NWD2: variants seen among roughly 807,000 people sequenced by gnomAD.
NWD2 encodes NACHT and WD repeat domain containing 2.
A neutral mutation model predicts 132.7 loss-of-function variants in NWD2; 37 were observed. That is an observed-to-expected ratio of 0.28 (90% CI 0.21 to 0.37). NWD2 has a LOEUF of 0.37. Among genes scored for constraint, NWD2 ranks in the 10% least tolerant of loss-of-function variants. NWD2 has a pLI of 1.00. For synonymous variants in NWD2, 705 were observed against 803.0 expected (o/e 0.88, Z 2.06); for missense variants, 1,592 against 2,122.4 (o/e 0.75, Z 4.91).
intron 3 of NWD2, among the ~76,000 whole-genome samples, chr4:37,417,044 G>T (rs1026739227): frequency 6.6e-6 from 1 of 152,130 alleles, no homozygotes. Flanking sequence ...CACCACTGAA[G>T]AACTTATTCA....
At chr4:37,363,968 C>CAA (rs112086576) in intron 3 of NWD2, among the ~76,000 whole-genome samples, 5,972 of 142,134 alleles carry the variant, frequency 0.042, 364 homozygotes, top group African/African-American at 0.13. Flanking sequence ...ACTAAAAATA[C>CAA]AAAAAAAAAA....
chr4:37,268,823 G>A (rs1349604208), intron 1 of NWD2, among the ~76,000 whole-genome samples: 1 of 151,832 alleles, frequency 6.6e-6, no homozygotes, highest in Non-Finnish European at 1.5e-5. Flanking sequence ...CTACAAGGCA[G>A]ATGTATTAAA....
chr4:37,392,947 G>A (rs1720708450), intron 3 of NWD2, among the ~76,000 whole-genome samples: 1 of 152,184 alleles, frequency 6.6e-6, no homozygotes, highest in Non-Finnish European at 1.5e-5. Context: ...GTCTGTGAAT[G>A]TTGTGGACGC....
chr4:37,415,105 T>C (rs1041912621), intron 3 of NWD2, among the ~76,000 whole-genome samples: 1 of 152,206 alleles, frequency 6.6e-6, no homozygotes, highest in African/African-American at 2.4e-5. Flanking sequence ...TTGTTTTCTA[T>C]TGAAATTTGT....
chr4:37,281,842 T>C (rs144356332), intron 1 of NWD2, among the ~76,000 whole-genome samples: 8 of 152,182 alleles, frequency 5.3e-5, no homozygotes, highest in Admixed American at 2.0e-4. Flanking sequence ...TTAAACAAAT[T>C]TGTGGACATA....
At chr4:37,436,942 G>A (rs1712338370) in intron 5 of NWD2, among the ~76,000 whole-genome samples, 1 of 152,072 alleles carries the variant, frequency 6.6e-6, no homozygotes, top group East Asian at 1.9e-4. Flanking sequence ...ATGTACTGAT[G>A]CTCATGACAC....
chr4:37,259,739 G>A (rs923431611), intron 1 of NWD2, among the ~76,000 whole-genome samples: 9 of 152,154 alleles, frequency 5.9e-5, no homozygotes, highest in Non-Finnish European at 1.3e-4. Context: ...CCCACCCCTG[G>A]AGACCAGAGC....
chr4:37,332,456 GAAA>G (rs34529414), intron 2 of NWD2, among the ~76,000 whole-genome samples: 6 of 130,570 alleles, frequency 4.6e-5, no homozygotes, highest in African/African-American at 1.7e-4. Context: ...CTGCTGCCTT[GAAA>G]AAAAAAAAAA....
chr4:37,399,046 A>G (rs1008732275), intron 3 of NWD2, among the ~76,000 whole-genome samples: 2 of 152,268 alleles, frequency 1.3e-5, no homozygotes, highest in Non-Finnish European at 1.5e-5. Flanking sequence ...AGAAAGGTAC[A>G]CATTTTATAA....
intron 1 of NWD2, among the ~76,000 whole-genome samples, chr4:37,289,887 C>CTT (rs35900482): frequency 7.9e-5 from 12 of 151,350 alleles, no homozygotes; most frequent in African/African-American, 1.2e-4. Flanking sequence ...TCAGCAAAGG[C>CTT]TTTTTTTTTC....
chr4:37,289,447 A>G (rs1363800893), intron 1 of NWD2, among the ~76,000 whole-genome samples: 1 of 152,194 alleles, frequency 6.6e-6, no homozygotes, highest in Non-Finnish European at 1.5e-5. Flanking sequence ...TACAGTAAAC[A>G]CTTATATACT....
At chr4:37,311,990 C>A (rs941784615) in intron 1 of NWD2, among the ~76,000 whole-genome samples, 14 of 142,194 alleles carry the variant, frequency 9.8e-5, no homozygotes, top group African/African-American at 4.4e-4. Flanking sequence ...TGATCTATAT[C>A]TCTGTTTTGG....
At chr4:37,357,075 C>G (rs1229271937) in intron 3 of NWD2, among the ~76,000 whole-genome samples, 1 of 152,042 alleles carries the variant, frequency 6.6e-6, no homozygotes, top group Non-Finnish European at 1.5e-5. Context: ...ATACTCACTC[C>G]TCTGTGTTAG....
intron 2 of NWD2, among the ~76,000 whole-genome samples, chr4:37,355,598 G>C (rs1000722912): frequency 4.6e-5 from 7 of 152,168 alleles, no homozygotes; most frequent in Non-Finnish European, 8.8e-5. Context: ...CTACAACTGG[G>C]AACATTTACT....
intron 2 of NWD2, among the ~76,000 whole-genome samples, chr4:37,332,630 G>A (rs1203658357): frequency 2.0e-5 from 3 of 152,208 alleles, no homozygotes. Flanking sequence ...ATTCAGAGAA[G>A]TGCTGGTTAT....
intron 1 of NWD2, among the ~76,000 whole-genome samples, chr4:37,316,328 T>G (rs991024231): frequency 6.6e-6 from 1 of 152,100 alleles, no homozygotes; most frequent in Non-Finnish European, 1.5e-5. Flanking sequence ...TGGCTTCCAC[T>G]CCTTCTGATG....
At chr4:37,275,901 G>A (rs1718001924) in intron 1 of NWD2, among the ~76,000 whole-genome samples, 1 of 152,112 alleles carries the variant, frequency 6.6e-6, no homozygotes, top group Non-Finnish European at 1.5e-5. Flanking sequence ...GCCATATGGA[G>A]AAAGCTGAAA....
Position 37,447,991 on chromosome 4 carries a change from C to T in NWD2, c.*774C>T, listed in dbSNP as rs527762541. 1 of 152,288 alleles carries T rather than the reference C, an allele frequency of 6.6e-6. No individual in the cohort carries two copies. Among genetic ancestry groups the T allele is most frequent in the South Asian group, 2.1e-4 (1 of 4,826 alleles). 9.4% of individuals were successfully genotyped at this position (152,288 alleles called of 1,614,324 possible). A position where few individuals can be genotyped will look rare whatever the true frequency, so the allele number is the denominator to read the frequency against. ...AATCTTTTCGCATCTTTTTGAAATG[C>T]ATATTTGTGCTGGGTGTAAAGAAGA... On this transcript the variant is annotated 3_prime_UTR_variant, in exon 7 of 7. Transcript: ENST00000309447.
intron 1 of NWD2, among the ~76,000 whole-genome samples, chr4:37,308,475 G>T (rs1182867650): frequency 6.6e-6 from 1 of 152,110 alleles, no homozygotes; most frequent in East Asian, 1.9e-4. Flanking sequence ...CACTTGGAGG[G>T]GTATGCTGGT....
Sources: allele counts gnomAD v4.1 joint callset (sites outside exome capture counted in the v4.1 genomes callset), GRCh38; gene constraint gnomAD v4.1.1; transcripts MANE v1.5; gene names NCBI Gene and HGNC (gene_info 2026-07-23, HGNC 2026-07-21).